PARD3B: variants seen among roughly 807,000 people sequenced by gnomAD.
PARD3B encodes the protein partitioning defective 3 homolog B.
A neutral mutation model predicts 130.2 loss-of-function variants in PARD3B; 103 were observed. The ratio of observed to expected loss-of-function variants is 0.79; its 90% CI spans 0.67 to 0.93. The LOEUF is 0.93. Ranked by LOEUF, PARD3B falls within the 40% of genes least tolerant of loss-of-function variation. The pLI is 0.00. For missense variants in PARD3B, 1,609 were observed against 1,499.2 expected, an observed-to-expected ratio of 1.07 and a Z score of -1.21; for synonymous variants, 583 against 553.2, an observed-to-expected ratio of 1.05 and a Z score of -0.76.
intron 2 of PARD3B, among the ~76,000 whole-genome samples, chr2:204,746,425 A>G (rs1270848613): frequency 6.6e-6 from 1 of 151,970 alleles, no homozygotes; most frequent in Admixed American, 6.6e-5. Flanking sequence ...TATTGTGAAT[A>G]GTGCCGCAAT....
rs1281857986 is a variant in PARD3B at position 204,902,370 on chromosome 2, GTATAAAGAATGAGTTTCA to G, written c.223-62781_223-62764del. On this transcript the variant is annotated intron_variant, in intron 2 of 22. Transcript: ENST00000406610. ...CTGAATAGCTAGACGTTTTTAAGTT[GTATAAAGAATGAGTTTCA>G]GCCAGGCGCGGTGGCTCAGGCCTGT... 9.2e-4 allele frequency among the ~76,000 whole-genome samples: 140 copies of G among 152,152 alleles called. 1 individual carries two copies. Among genetic ancestry groups the G allele is most frequent in the African/African-American group, 3.2e-3 (133 of 41,516 alleles).
chr2:205,339,590 G>T (rs1574744787), intron 18 of PARD3B, among the ~76,000 whole-genome samples: 1 of 152,142 alleles, frequency 6.6e-6, no homozygotes, highest in Non-Finnish European at 1.5e-5. Flanking sequence ...GTATTGGCTT[G>T]GTTAAATGTA....
At chr2:205,218,413 A>G (rs553352325) in intron 15 of PARD3B, among the ~76,000 whole-genome samples, 3 of 152,324 alleles carry the variant, frequency 2.0e-5, no homozygotes, top group African/African-American at 7.2e-5. Flanking sequence ...CTGAAATGGA[A>G]GCTTATGCCA....
intron 2 of PARD3B, among the ~76,000 whole-genome samples, chr2:204,847,528 A>G (rs2044512848): frequency 6.6e-6 from 1 of 152,070 alleles, no homozygotes; most frequent in African/African-American, 2.4e-5. Context: ...GAAATACACA[A>G]TTCATATGTT....
At chr2:205,111,081 T>C (rs1259130196) in intron 5 of PARD3B, among the ~76,000 whole-genome samples, 2 of 152,084 alleles carry the variant, frequency 1.3e-5, no homozygotes, top group African/African-American at 2.4e-5. Context: ...ATGTTCTCCT[T>C]TCTAACTTGA....
chr2:205,034,304 G>A (rs1697644821), intron 3 of PARD3B, among the ~76,000 whole-genome samples: 1 of 152,160 alleles, frequency 6.6e-6, no homozygotes, highest in African/African-American at 2.4e-5. Flanking sequence ...AGCTTACAAT[G>A]TGGTTCCACC....
chr2:205,465,647 A>G (rs1346007942), intron 20 of PARD3B, among the ~76,000 whole-genome samples: 1 of 152,192 alleles, frequency 6.6e-6, no homozygotes, highest in Non-Finnish European at 1.5e-5. Context: ...CTACTTTAAG[A>G]AAGGCAGTAG....
intron 2 of PARD3B, among the ~76,000 whole-genome samples, chr2:204,704,840 A>G (rs1017783823): frequency 9.9e-5 from 15 of 152,158 alleles, no homozygotes; most frequent in African/African-American, 3.1e-4. Flanking sequence ...TTATTGGTTC[A>G]TTTCATGCTT....
intron 20 of PARD3B, among the ~76,000 whole-genome samples, chr2:205,497,153 T>C (rs1028846483): frequency 6.9e-6 from 1 of 145,666 alleles, no homozygotes; most frequent in African/African-American, 2.5e-5. Flanking sequence ...TTTTTAAGTA[T>C]AGTAAAGAAA....
intron 4 of PARD3B, among the ~76,000 whole-genome samples, chr2:205,058,398 A>G (rs994604854): frequency 6.6e-6 from 1 of 151,970 alleles, no homozygotes; most frequent in African/African-American, 2.4e-5. Flanking sequence ...GCTACTGTGG[A>G]TACGGGTGTA....
In PARD3B at chr2:204,678,961, C is replaced by T. The variant is rs1322252042; in HGVS notation, c.121-7220C>T. On this transcript the variant is annotated intron_variant, in intron 1 of 22. Transcript: ENST00000406610. This position sits in a 1 kb window ranked among gnomAD's most constrained non-coding sequence, Gnocchi z 4.2. Reference sequence around the variant, plus strand: ...TGCCTCTTTCTACTCACCACCCTTCCCCCTCACAAGGAGTAACCAGTCTCG... The same window carrying T: ...TGCCTCTTTCTACTCACCACCCTTCTCCCTCACAAGGAGTAACCAGTCTCG... Among the ~76,000 whole-genome samples the T allele has an allele frequency of 6.6e-6, 1 of 152,122 alleles. No individual in the cohort carries two copies. The highest frequency in any genetic ancestry group is 6.5e-5 in the Admixed American group (1 of 15,276).
chr2:205,248,493 A>C (rs1041280331), intron 16 of PARD3B, among the ~76,000 whole-genome samples: 116 of 151,760 alleles, frequency 7.6e-4, no homozygotes, highest in African/African-American at 2.7e-3. Context: ...CATTTTTTAA[A>C]TTCATTTAAA....
intron 2 of PARD3B, among the ~76,000 whole-genome samples, chr2:204,712,637 A>AAG (rs2038510905): frequency 6.6e-6 from 1 of 150,932 alleles, no homozygotes. Context: ...CAAAAAAAAA[A>AAG]GTGAACAACA....
chr2:205,549,891 A>G (rs1406047200), intron 21 of PARD3B, among the ~76,000 whole-genome samples: 1 of 152,178 alleles, frequency 6.6e-6, no homozygotes, highest in African/African-American at 2.4e-5. Flanking sequence ...GTGGGACTAT[A>G]TGGAAATCTG....
chr2:204,986,243 G>A (rs1693146009), intron 3 of PARD3B, among the ~76,000 whole-genome samples: 1 of 152,000 alleles, frequency 6.6e-6, no homozygotes, highest in South Asian at 2.1e-4. Context: ...TGACTGCAAG[G>A]AAAGCTCAGG....
At position 205,258,830 on chromosome 2, in the gene PARD3B, C is replaced by A. The variant is rs1306391391; in HGVS notation, c.2185+13008C>A. On this transcript the variant is annotated intron_variant, in intron 16 of 22. Transcript: ENST00000406610. This position sits in a 1 kb window ranked among gnomAD's most constrained non-coding sequence, Gnocchi z 4.9. ...CATTTACATTTATTGCAATTACTAG[C>A]ATATTTAGATTTATGTTTTATTTTC... Among the ~76,000 whole-genome samples the A allele has an allele frequency of 6.6e-6, 1 of 152,162 alleles. No individual in the cohort carries two copies. The highest frequency in any genetic ancestry group is 1.5e-5 in the Non-Finnish European group (1 of 68,024).
chr2:204,560,827 G>A (rs983727351), intron 1 of PARD3B, among the ~76,000 whole-genome samples: 1 of 152,056 alleles, frequency 6.6e-6, no homozygotes, highest in African/African-American at 2.4e-5. Context: ...TGGGACTGGA[G>A]GTGGAGGAAC....
intron 10 of PARD3B, among the ~76,000 whole-genome samples, chr2:205,151,082 C>T (rs1055929798): frequency 6.6e-6 from 1 of 152,130 alleles, no homozygotes; most frequent in South Asian, 2.1e-4. Context: ...ACAATGTATA[C>T]ATAGTTTAAA....
At chr2:205,398,245 G>A (rs57531776) in intron 18 of PARD3B, among the ~76,000 whole-genome samples, 6,358 of 152,228 alleles carry the variant, frequency 0.042, 403 homozygotes, top group African/African-American at 0.14. Context: ...AGGTTGCAGT[G>A]AGCCGAGATC....
Sources: gnomAD v4.1 joint callset for allele counts (sites outside exome capture counted in the v4.1 genomes callset) on GRCh38, gnomAD v4.1.1 for gene constraint, Gnocchi (gnomAD v3.1) non-coding constraint, MANE v1.5 for transcripts, NCBI Gene and HGNC (gene_info 2026-07-23, HGNC 2026-07-21) for gene names.